Variants in SLC2A9 observed in about 807,000 individuals in gnomAD.
SLC2A9 encodes solute carrier family 2, facilitated glucose transporter member 9.
Under a neutral mutation model 50.6 loss-of-function variants are expected in SLC2A9, and 39 were observed. The ratio of observed to expected loss-of-function variants is 0.77; its 90% CI spans 0.60 to 1.01. The LOEUF (loss-of-function observed/expected upper bound fraction) is 1.01, where lower values mean the gene tolerates loss of function less well. SLC2A9 is among the 50% of genes least tolerant of loss of function. The pLI is 0.00. For missense variants in SLC2A9, 686 were observed against 677.6 expected (o/e 1.01, Z -0.14); for synonymous variants, 324 against 276.9 (o/e 1.17, Z -1.69).
downstream of SLC2A9, among the ~76,000 whole-genome samples, chr4:9,776,384 C>T (rs774522990): frequency 5.3e-5 from 8 of 151,872 alleles, no homozygotes; most frequent in Non-Finnish European, 7.4e-5. Context: ...GCCTGGATAC[C>T]CCACTGTTGC....
chr4:9,801,906 A>G (rs80208552), intron 3 of SLC2A9, among the ~76,000 whole-genome samples: 115 of 152,348 alleles, frequency 7.5e-4, no homozygotes, highest in African/African-American at 2.6e-3. Flanking sequence ...GCTTTTCTTA[A>G]TCTAACTCAG....
chr4:9,776,654 C>A (rs868804463), downstream of SLC2A9, among the ~76,000 whole-genome samples: 17 of 152,232 alleles, frequency 1.1e-4, no homozygotes, highest in African/African-American at 4.1e-4. Flanking sequence ...TTTGTACAGT[C>A]AAAGGGTCTG....
chr4:9,857,135 G>T (rs1461786356), intron 10 of SLC2A9, among the ~76,000 whole-genome samples: 1 of 152,162 alleles, frequency 6.6e-6, no homozygotes, highest in Non-Finnish European at 1.5e-5. Flanking sequence ...AGCGTTCTCT[G>T]TATGGGTGCT....
intron 3 of SLC2A9, among the ~76,000 whole-genome samples, chr4:9,784,244 C>T (rs980326030): frequency 3.3e-5 from 5 of 152,058 alleles, no homozygotes; most frequent in African/African-American, 1.2e-4. Flanking sequence ...TGAAACCTGG[C>T]TTCAATGGCA....
intron 1 of SLC2A9, among the ~76,000 whole-genome samples, chr4:10,029,953 T>A (rs996524539): frequency 1.4e-4 from 22 of 152,210 alleles, no homozygotes; most frequent in African/African-American, 5.1e-4. Context: ...ATTTTTTTTT[T>A]AAAGCTCCTT....
chr4:9,945,085 A>T (rs192180097), intron 5 of SLC2A9, among the ~76,000 whole-genome samples: 1 of 152,230 alleles, frequency 6.6e-6, no homozygotes, highest in African/African-American at 2.4e-5. Flanking sequence ...TTCTCTCCCA[A>T]TGACAGTGGT....
chr4:9,806,474 A>G (rs1178455499), intron 3 of SLC2A9, among the ~76,000 whole-genome samples: 1 of 152,106 alleles, frequency 6.6e-6, no homozygotes, highest in African/African-American at 2.4e-5. Context: ...ATGTGGGTAA[A>G]TCTCTGTTCG....
At chr4:9,802,153 G>A (rs997919926) in intron 3 of SLC2A9, among the ~76,000 whole-genome samples, 2 of 152,262 alleles carry the variant, frequency 1.3e-5, no homozygotes, top group South Asian at 2.1e-4. Context: ...ACTCGGTACC[G>A]AACCTTTTAG....
intron 2 of SLC2A9, among the ~76,000 whole-genome samples, chr4:10,004,156 T>C (rs372877860): frequency 6.6e-6 from 1 of 152,258 alleles, no homozygotes; most frequent in African/African-American, 2.4e-5. Context: ...GAATGAAGAT[T>C]GGTTGACTGC....
intron 6 of SLC2A9, among the ~76,000 whole-genome samples, chr4:9,925,402 A>G (rs1744717452): frequency 6.6e-6 from 1 of 152,126 alleles, no homozygotes; most frequent in Admixed American, 6.5e-5. Context: ...CACCCCTGGG[A>G]GCGCCCCCTG....
chr4:9,980,877 C>G, intron 4 of SLC2A9, 140 bp from the exon 5 acceptor site: 1 of 1,073,898 alleles, frequency 9.3e-7, no homozygotes, highest in South Asian at 1.4e-5. Context: ...CAGCACTTAG[C>G]ACAAATTGCC....
chr4:10,019,158 G>A, intron 1 of SLC2A9, 85 bp from the exon 2 acceptor site: 1 of 1,115,992 alleles, frequency 9.0e-7, no homozygotes, highest in Non-Finnish European at 1.3e-6. Flanking sequence ...CCTCAGCTGG[G>A]GGAGGCCTTC....
intron 4 of SLC2A9, among the ~76,000 whole-genome samples, chr4:9,984,203 C>G (rs1756341924): frequency 6.6e-6 from 1 of 152,194 alleles, no homozygotes; most frequent in South Asian, 2.1e-4. Context: ...TATTCCCCTC[C>G]AGCAGGGCAA....
At chr4:9,887,358 C>T (rs1212083334) in intron 10 of SLC2A9, among the ~76,000 whole-genome samples, 1 of 152,218 alleles carries the variant, frequency 6.6e-6, no homozygotes, top group Non-Finnish European at 1.5e-5. Context: ...CACTCATCTT[C>T]AGGTGAGTCC....
At chr4:9,817,072 C>T (rs959395038) in intron 3 of SLC2A9, among the ~76,000 whole-genome samples, 7 of 152,096 alleles carry the variant, frequency 4.6e-5, no homozygotes, top group African/African-American at 1.7e-4. Context: ...ATCTTTTTCT[C>T]TCTCTCTCAT....
At chr4:10,021,524 G>T (rs1467980967), upstream of SLC2A9, 3 of 1,577,770 alleles carry the variant, frequency 1.9e-6, no homozygotes, top group East Asian at 4.6e-5. Context: ...CTGGAAGGAG[G>T]GCGGGAGTTC....
At chr4:9,960,748 G>A (rs1314965288) in intron 5 of SLC2A9, among the ~76,000 whole-genome samples, 9 of 152,186 alleles carry the variant, frequency 5.9e-5, no homozygotes, top group Non-Finnish European at 1.2e-4. Context: ...GAGGGGTGAT[G>A]AGAGAGGTGA....
intron 3 of SLC2A9, among the ~76,000 whole-genome samples, chr4:9,815,624 G>C (rs960916002): frequency 6.6e-6 from 1 of 152,186 alleles, no homozygotes; most frequent in Non-Finnish European, 1.5e-5. Context: ...TGCTTCATTT[G>C]TTCCTCCCTC....
chr4:10,034,468 T>A (rs1157396537), intron 1 of SLC2A9: 1 of 152,362 alleles, frequency 6.6e-6, no homozygotes, highest in African/African-American at 2.4e-5. Context: ...AGAGGGACTG[T>A]AGCCAGAGCT....
Sources: gnomAD v4.1 joint callset for allele counts (sites outside exome capture counted in the v4.1 genomes callset) on GRCh38, gnomAD v4.1.1 for gene constraint, MANE v1.5 for transcripts, NCBI Gene and HGNC (gene_info 2026-07-23, HGNC 2026-07-21) for gene names.